GPR55: variants seen among roughly 807,000 people sequenced by gnomAD.
The protein encoded by GPR55 is G protein-coupled receptor 55.
In GPR55, 6 loss-of-function variants were observed where a neutral mutation model predicts 7.9. That is an observed-to-expected ratio of 0.76 (90% confidence interval 0.41 to 1.49). GPR55 has a LOEUF of 1.49. Among genes scored for constraint, GPR55 ranks in the 40% most tolerant of loss-of-function variants. GPR55 has a pLI of 0.01. For synonymous variants in GPR55, 183 were observed against 166.8 expected (o/e 1.10, Z -0.75); for missense variants, 376 against 406.0 (o/e 0.93, Z 0.63).
intron 1 of GPR55, among the ~76,000 whole-genome samples, chr2:230,949,400 G>A (rs566946338): frequency 4.3e-4 from 65 of 152,310 alleles, no homozygotes; most frequent in Admixed American, 1.2e-3. Flanking sequence ...CTGAACTTGC[G>A]ATCTGCCCGC....
chr2:230,933,338 C>T (rs1691079385), intron 1 of GPR55, among the ~76,000 whole-genome samples: 2 of 152,230 alleles, frequency 1.3e-5, no homozygotes, highest in Admixed American at 6.5e-5. Flanking sequence ...TCCACCGCAT[C>T]CTCCACCTGC....
intron 1 of GPR55, chr2:230,957,677 T>C (rs1312593439): frequency 3.7e-6 from 2 of 545,778 alleles, no homozygotes; most frequent in Non-Finnish European, 7.4e-6. Context: ...AAATATTCCC[T>C]GTGCCCGGGA....
At chr2:230,925,895 TC>T (rs1690933758), upstream of GPR55, among the ~76,000 whole-genome samples, 1 of 152,012 alleles carries the variant, frequency 6.6e-6, no homozygotes, top group South Asian at 2.1e-4. Flanking sequence ...AGCAGAGATT[TC>T]CCTGGCATCT....
At position 230,910,066 on chromosome 2, in the gene GPR55, G is replaced by A; in HGVS notation, c.897C>T (p.Ile299=). ...YFVIKEFRMN[I]RAHRPSRVQL... Reference sequence around the variant, plus strand: ...GGACCCTGGAAGGCCGGTGGGCCCTGATGTTCATGCGGAATTCTTTGATGA... The same window carrying A: ...GGACCCTGGAAGGCCGGTGGGCCCTAATGTTCATGCGGAATTCTTTGATGA... Residue 299 remains isoleucine, a synonymous_variant, in exon 2 of 2, where the codon ATC becomes ATT. Coordinates refer to ENST00000650999, the MANE Select transcript of GPR55 (RefSeq NM_005683.4). The surrounding 1 kb of genome is among the most constrained non-coding windows in gnomAD (Gnocchi z 5.4). 1.9e-6 allele frequency: 3 copies of A among 1,614,144 alleles called. No individual in the cohort carries two copies. Among genetic ancestry groups the A allele is most frequent in the Non-Finnish European group, 2.5e-6 (3 of 1,179,960 alleles).
At chr2:230,960,483 A>G (rs533374348) in intron 1 of GPR55, among the ~76,000 whole-genome samples, 1 of 152,172 alleles carries the variant, frequency 6.6e-6, no homozygotes, top group South Asian at 2.1e-4. Context: ...GTTTTCCTAT[A>G]GTCTTTAGCA....
upstream of GPR55, among the ~76,000 whole-genome samples, chr2:230,926,476 C>T (rs533115843): frequency 4.6e-5 from 7 of 152,106 alleles, no homozygotes; most frequent in Non-Finnish European, 1.0e-4. Flanking sequence ...CAGCCAGGCC[C>T]GCACCCTGGG....
rs976719580 is a variant in GPR55, at chr2:230,948,460, A to G, written c.-135+12315T>C. 3.9e-5 allele frequency among the ~76,000 whole-genome samples: 6 copies of G among 152,224 alleles called. No homozygotes were observed. The East Asian group carries it at 1.2e-3, about 29-fold the overall frequency. On this transcript the variant is annotated intron_variant, in intron 1 of 1. Transcript: ENST00000392039. ...AATAGTAATAAATAAATCAAAATAA[A>G]CCAAAAAGAGAAGGAAAAATTCTCC...
At chr2:230,949,599 C>T (rs971694633) in intron 1 of GPR55, among the ~76,000 whole-genome samples, 12 of 151,688 alleles carry the variant, frequency 7.9e-5, no homozygotes, top group Admixed American at 7.9e-4. Flanking sequence ...GGTCTTGGGA[C>T]ACTTTCTGGG....
At chr2:230,938,344 T>G (rs1487126867) in intron 1 of GPR55, among the ~76,000 whole-genome samples, 1 of 150,728 alleles carries the variant, frequency 6.6e-6, no homozygotes, top group African/African-American at 2.4e-5. Flanking sequence ...CTTTCACTCC[T>G]TCTAAACTAT....
chr2:230,954,947 A>G (rs1020422045), intron 1 of GPR55, among the ~76,000 whole-genome samples: 4 of 152,216 alleles, frequency 2.6e-5, no homozygotes, highest in Non-Finnish European at 5.9e-5. Context: ...GGAATCCTTA[A>G]TATAGTCTTC....
chr2:230,930,647 G>T (rs1280627191), intron 1 of GPR55, among the ~76,000 whole-genome samples: 1 of 151,794 alleles, frequency 6.6e-6, no homozygotes, highest in Non-Finnish European at 1.5e-5. Context: ...AAATACAAAG[G>T]CATTGAGAGG....
At chr2:230,921,886 A>G (rs183437919) in intron 1 of GPR55, among the ~76,000 whole-genome samples, 8 of 152,354 alleles carry the variant, frequency 5.3e-5, no homozygotes, top group Admixed American at 5.2e-4. Context: ...AGGGAAAGGC[A>G]CAAGGTCATC....
At position 230,909,738 on chromosome 2, in the gene GPR55, T is replaced by C. The variant is rs192956440; in HGVS notation, c.*265A>G. On this transcript the variant is annotated 3_prime_UTR_variant, in exon 2 of 2. Transcript: ENST00000650999. ...TCTCTTTCTCAATTCTTCTGCTCTA[T>C]AGTTTTTGGACTTAGAAATCAGTAA... 5.1e-5 allele frequency: 22 copies of C among 435,568 alleles called. No individual in the cohort carries two copies. The highest frequency in any genetic ancestry group is 3.7e-4 in the African/African-American group (19 of 51,208). 27.0% of individuals were successfully genotyped at this position (435,568 alleles called of 1,614,324 possible).
At chr2:230,941,048 C>T (rs1463973060) in intron 1 of GPR55, among the ~76,000 whole-genome samples, 3 of 151,918 alleles carry the variant, frequency 2.0e-5, no homozygotes, top group African/African-American at 2.4e-5. Context: ...ACCCAGGAGG[C>T]GGAGGTTGCA....
chr2:230,957,824 G>T, intron 1 of GPR55: 1 of 599,838 alleles, frequency 1.7e-6, no homozygotes, highest in Non-Finnish European at 3.2e-6. Flanking sequence ...TGGTTTCATT[G>T]TAGGTATAAT....
intron 1 of GPR55, among the ~76,000 whole-genome samples, chr2:230,915,844 TTGG>T (rs60205343): frequency 0.51 from 77,757 of 151,840 alleles, 22,857 homozygotes; most frequent in African/African-American, 0.83. Context: ...GTTCTTCTGG[TTGG>T]AAGAACCAGA....
At chr2:230,943,116 G>A (rs958188963) in intron 1 of GPR55, among the ~76,000 whole-genome samples, 3 of 148,748 alleles carry the variant, frequency 2.0e-5, no homozygotes, top group African/African-American at 7.4e-5. Flanking sequence ...AAGAGAGAGA[G>A]AGGAGAGAGA....
At chr2:230,949,807 G>A (rs1170838879) in intron 1 of GPR55, among the ~76,000 whole-genome samples, 1 of 151,666 alleles carries the variant, frequency 6.6e-6, no homozygotes, top group Non-Finnish European at 1.5e-5. Context: ...CTGTGGAAAT[G>A]TAAAAATAAT....
chr2:230,942,986 T>A lies in GPR55; in HGVS notation c.-135+17789A>T, dbSNP rs186598960. ...CCATCCTGCTTCTGTTCCCCTAGGA[T>A]TTGTCCTTGTGACCTGAAGAGAAGA... On this transcript the variant is annotated intron_variant, in intron 1 of 1. Coordinates refer to the GPR55 transcript ENST00000392039. Among the ~76,000 whole-genome samples the A allele has an allele frequency of 2.1e-3, 320 of 151,610 alleles. 3 individuals are homozygous for A. Among genetic ancestry groups the A allele is most frequent in the African/African-American group, 7.6e-3 (313 of 41,234 alleles).
Sources: allele counts gnomAD v4.1 joint callset (sites outside exome capture counted in the v4.1 genomes callset), GRCh38; gene constraint gnomAD v4.1.1; non-coding constraint Gnocchi (gnomAD v3.1); transcripts MANE v1.5; gene names NCBI Gene and HGNC (gene_info 2026-07-23, HGNC 2026-07-21).